The following PIP5K1C variants were observed in gnomAD, a reference collection of about 807,000 sequenced individuals.
The protein encoded by PIP5K1C is phosphatidylinositol-4-phosphate 5-kinase type 1 gamma, also known as phosphatidylinositol 4-phosphate 5-kinase type-1 gamma.
PIP5K1C carries 45 observed loss-of-function variants against 80.1 expected under a neutral mutation model. That is an observed-to-expected ratio of 0.56 (90% confidence interval 0.44 to 0.72). PIP5K1C has a LOEUF of 0.72. Ranked by LOEUF, PIP5K1C falls within the 30% of genes least tolerant of loss-of-function variation. PIP5K1C has a pLI of 0.00. For synonymous variants in PIP5K1C, 498 were observed against 420.1 expected, an observed-to-expected ratio of 1.19 and a Z score of -2.27; for missense variants, 753 against 954.6, an observed-to-expected ratio of 0.79 and a Z score of 2.78.
intron 8 of PIP5K1C, chr19:3,649,964 G>T: frequency 4.3e-6 from 1 of 235,146 alleles, no homozygotes; most frequent in South Asian, 4.5e-5. Context: ...CGCCCTGCAC[G>T]CTCTGCTCAC....
chr19:3,640,476 A>G (rs939980299), intron 15 of PIP5K1C, among the ~76,000 whole-genome samples: 1 of 152,156 alleles, frequency 6.6e-6, no homozygotes, highest in Non-Finnish European at 1.5e-5. Flanking sequence ...AAATCGTGCC[A>G]CTGCACTCCA....
intron 2 of PIP5K1C, among the ~76,000 whole-genome samples, chr19:3,665,836 C>T (rs923934343): frequency 6.6e-6 from 1 of 152,074 alleles, no homozygotes; most frequent in African/African-American, 2.4e-5. Context: ...GGAGAACAGC[C>T]CCGCCTGGCA....
chr19:3,650,609 C>T (rs951176639), intron 8 of PIP5K1C, among the ~76,000 whole-genome samples: 1 of 152,218 alleles, frequency 6.6e-6, no homozygotes, highest in African/African-American at 2.4e-5. Flanking sequence ...CCCAGGAGAG[C>T]TCTGTGAGTA....
In PIP5K1C at chr19:3,664,903, C is replaced by A. The variant is rs374165997; in HGVS notation, c.138G>T (p.Met46Ile). Reference protein sequence around the residue: ...KKAAPTEVLSMTAQPGPGHGK... With the variant: ...KKAAPTEVLSITAQPGPGHGK... Reference sequence around the variant, plus strand: ...CATGGCCAGGGCCCGGCTGTGCCGTCATGGACAGAACCTGGGAAGAGGAAG... The same window carrying A: ...CATGGCCAGGGCCCGGCTGTGCCGTAATGGACAGAACCTGGGAAGAGGAAG... Residue 46 changes from methionine to isoleucine, a missense_variant, in exon 3 of 18, where the codon ATG (methionine) becomes ATT (isoleucine). Met to Ile is a conservative substitution (Grantham distance 10). Around this residue, in one of 6 missense-constraint regions of PIP5K1C, gnomAD observed 78 missense variants for 67.1 expected, o/e 1.16. Transcript: ENST00000335312. 16 of 1,612,920 alleles carry A rather than the reference C, an allele frequency of 9.9e-6. No homozygotes were observed. The African/African-American group carries it at 2.1e-4, about 22-fold the overall frequency.
At chr19:3,669,394 G>A (rs973346473) in intron 1 of PIP5K1C, among the ~76,000 whole-genome samples, 3 of 152,226 alleles carry the variant, frequency 2.0e-5, no homozygotes, top group Admixed American at 2.0e-4. Flanking sequence ...CCAACTGGGC[G>A]AGGTTCAGGG....
intron 16 of PIP5K1C, among the ~76,000 whole-genome samples, 171 bp downstream of exon 16, chr19:3,638,713 G>A (rs546217135): frequency 1.3e-4 from 20 of 152,184 alleles, no homozygotes; most frequent in East Asian, 3.9e-4. Context: ...TGGTGGGTGC[G>A]TGTGGGCGTG....
rs868425602 is a variant in PIP5K1C at position 3,637,050 on chromosome 19, G to A, written c.1920+1834C>T. 32 of 1,157,404 alleles carry A rather than the reference G, an allele frequency of 2.8e-5. 1 individual carries two copies. The African/African-American group carries it at 2.9e-4, about 11-fold the overall frequency. The allele number at this position is 1,157,404 out of a possible 1,614,324, so 71.7% of individuals were successfully genotyped here. The stretch of plus-strand genomic sequence containing the variant: ...TCCATCTGTGAGGTGGGTGTGGAGA[G>A]ACCATCTCCTCCCCGTCTCCATGGC... On this transcript the variant is annotated intron_variant, in intron 16 of 17. Transcript: ENST00000335312. The surrounding 1 kb of genome is among the most constrained non-coding windows in gnomAD (Gnocchi z 7.0).
At chr19:3,633,972 C>A (rs1410287680) in intron 16 of PIP5K1C, among the ~76,000 whole-genome samples, 2 of 152,184 alleles carry the variant, frequency 1.3e-5, no homozygotes, top group African/African-American at 4.8e-5. Flanking sequence ...GGTGCCGGAC[C>A]TACTTCCCAA....
rs553796457 is a variant in PIP5K1C at position 3,670,759 on chromosome 19, G to A, written c.95-3406C>T. 3.3e-5 allele frequency among the ~76,000 whole-genome samples: 5 copies of A among 152,194 alleles called. 1 individual carries two copies. In the South Asian group the frequency reaches 1.0e-3, roughly 32 times the overall value. On this transcript the variant is annotated intron_variant, in intron 1 of 17. Coordinates refer to ENST00000335312, the MANE Select transcript of PIP5K1C (RefSeq NM_012398.3). ...ACCTGGATGCCCTGCAGGGCTGGGT[G>A]GGCAGCGGGTGGGCCCTGGAGGGAT...
chr19:3,697,498 G>A (rs2036161478), intron 1 of PIP5K1C, among the ~76,000 whole-genome samples: 1 of 151,976 alleles, frequency 6.6e-6, no homozygotes, highest in South Asian at 2.1e-4. Flanking sequence ...GGACCGAGCT[G>A]GACCAGGGAG....
At chr19:3,691,283 A>C (rs763973038) in intron 1 of PIP5K1C, among the ~76,000 whole-genome samples, 1 of 152,204 alleles carries the variant, frequency 6.6e-6, no homozygotes, top group Non-Finnish European at 1.5e-5. Flanking sequence ...GGTCTGGTAC[A>C]GTGCTGATGC....
chr19:3,633,251 C>T (rs1449728848), intron 17 of PIP5K1C, 82 bp from the exon 18 acceptor site: 3 of 708,008 alleles, frequency 4.2e-6, no homozygotes, highest in Non-Finnish European at 7.8e-6. Flanking sequence ...CTTCCTTGGG[C>T]CAACACAGGC....
intron 11 of PIP5K1C, 41 bp from the exon 12 acceptor site, chr19:3,644,292 G>A (rs2034118055): frequency 1.3e-6 from 2 of 1,595,898 alleles, no homozygotes; most frequent in Non-Finnish European, 1.7e-6. Context: ...GGTTGCTGGG[G>A]GCTCATAGCA....
chr19:3,686,024 AT>A (rs1468343221), intron 1 of PIP5K1C, among the ~76,000 whole-genome samples: 1 of 151,632 alleles, frequency 6.6e-6, no homozygotes, highest in Non-Finnish European at 1.5e-5. Flanking sequence ...CACCTGGCTA[AT>A]TCTTTTTTCA....
chr19:3,683,708 T>C (rs1034941011), intron 1 of PIP5K1C, among the ~76,000 whole-genome samples: 5 of 150,516 alleles, frequency 3.3e-5, no homozygotes, highest in Non-Finnish European at 7.4e-5. Context: ...GGGAGGAGAG[T>C]GAGGAGGAGC....
intron 16 of PIP5K1C, chr19:3,636,830 G>C (rs914301222): frequency 3.2e-5 from 32 of 991,222 alleles, no homozygotes; most frequent in Non-Finnish European, 3.6e-5. Flanking sequence ...TGGCTGTGCG[G>C]TGCTGGGCAG....
intron 1 of PIP5K1C, chr19:3,669,661 G>C (rs1047404895): frequency 1.3e-5 from 2 of 152,338 alleles, no homozygotes; most frequent in Non-Finnish European, 2.9e-5. Flanking sequence ...AGAAGGAGAA[G>C]GAAAGTCAAA....
intron 1 of PIP5K1C, chr19:3,669,983 G>A (rs2035148636): frequency 6.6e-6 from 1 of 152,054 alleles, no homozygotes; most frequent in Admixed American, 6.6e-5. Flanking sequence ...AGGCCGGGGA[G>A]GGGCCTGGGG....
chr19:3,697,464 A>G (rs889130992), intron 1 of PIP5K1C, among the ~76,000 whole-genome samples: 24 of 148,068 alleles, frequency 1.6e-4, no homozygotes, highest in South Asian at 6.5e-4. Flanking sequence ...AGCTGGACCG[A>G]GGAGGACCGA....
Sources: gnomAD v4.1 joint callset for allele counts (sites outside exome capture counted in the v4.1 genomes callset) on GRCh38, gnomAD v4.1.1 for gene constraint, gnomAD v4.1.1 regional missense constraint, Gnocchi (gnomAD v3.1) non-coding constraint, MANE v1.5 for transcripts, NCBI Gene and HGNC (gene_info 2026-07-23, HGNC 2026-07-21) for gene names.